Variants in DOCK8 observed in about 807,000 individuals in gnomAD.
DOCK8 encodes dedicator of cytokinesis protein 8.
Under a neutral mutation model 245.6 loss-of-function variants are expected in DOCK8, and 141 were observed. That is an observed-to-expected ratio of 0.57 (90% confidence interval 0.50 to 0.66). The LOEUF (loss-of-function observed/expected upper bound fraction) is 0.66, where lower values mean the gene tolerates loss of function less well. Among genes scored for constraint, DOCK8 ranks in the 30% least tolerant of loss-of-function variants. The pLI, the probability that DOCK8 is intolerant of heterozygous loss-of-function variation, is 0.00. For missense variants in DOCK8, 2,965 were observed against 2,603.4 expected (o/e 1.14, Z -3.02); for synonymous variants, 1,168 against 970.2 (o/e 1.20, Z -3.79).
At chr9:286,781 T>C (rs2048841881) in intron 3 of DOCK8, 145 bp downstream of exon 3, 1 of 827,672 alleles carries the variant, frequency 1.2e-6, no homozygotes, top group Non-Finnish European at 2.0e-6. Flanking sequence ...CTATATGATA[T>C]CATCATGTAA....
intron 29 of DOCK8, 42 bp from the exon 30 acceptor site, chr9:418,026 G>A: frequency 6.2e-7 from 1 of 1,613,650 alleles, no homozygotes; most frequent in Non-Finnish European, 8.5e-7. Flanking sequence ...ATGGGGAAAT[G>A]TCATGTTTGA....
chr9:214,915 C>T lies in DOCK8; in HGVS notation c.-62C>T. On this transcript the variant is annotated 5_prime_UTR_variant, in exon 1 of 48. Transcript: ENST00000432829. ...GGCATGTTCCGCGGCTACTCTGCGG[C>T]GCGCCAGGCCCCCGCTTTCCGCACC... 6.2e-7 allele frequency: 1 copy of T among 1,604,144 alleles called. No individual in the cohort carries two copies. Among genetic ancestry groups the T allele is most frequent in the Non-Finnish European group, 8.5e-7 (1 of 1,177,070 alleles).
chr9:279,439 G>T (rs1334517194), intron 2 of DOCK8, among the ~76,000 whole-genome samples: 1 of 152,198 alleles, frequency 6.6e-6, no homozygotes, highest in African/African-American at 2.4e-5. Context: ...ATTGAGAAGA[G>T]ATTTAGAATT....
At chr9:315,341 C>T (rs2050297441) in intron 6 of DOCK8, among the ~76,000 whole-genome samples, 1 of 152,112 alleles carries the variant, frequency 6.6e-6, no homozygotes. Flanking sequence ...GAATTAGTTG[C>T]CATTTCAGTT....
At chr9:420,856 C>G in intron 31 of DOCK8, 93 bp from the exon 32 acceptor site, 1 of 1,538,530 alleles carries the variant, frequency 6.5e-7, no homozygotes, top group South Asian at 1.1e-5. Flanking sequence ...TCAAACTTAG[C>G]TGGCATCACT....
rs568536712 is a variant in DOCK8 at position 310,067 on chromosome 9, A to C, written c.529-1887A>C. On this transcript the variant is annotated intron_variant, in intron 5 of 47. Transcript: ENST00000432829. Reference sequence around the variant, plus strand: ...TGGATCACTTGAGGTCAGGAGTTCAAGACCAGCCTGGCCAACATGGTGAAA... The same window carrying C: ...TGGATCACTTGAGGTCAGGAGTTCACGACCAGCCTGGCCAACATGGTGAAA... 1.9e-4 allele frequency among the ~76,000 whole-genome samples: 29 copies of C among 152,272 alleles called. No homozygotes were observed. In the East Asian group the frequency reaches 5.6e-3, roughly 29 times the overall value.
chr9:431,445 G>A (rs2056709147), intron 36 of DOCK8, among the ~76,000 whole-genome samples: 1 of 152,110 alleles, frequency 6.6e-6, no homozygotes, highest in Non-Finnish European at 1.5e-5. Flanking sequence ...TGTAAAGAAA[G>A]AAGAAACAAA....
At chr9:241,220 CT>C (rs1286267556) in intron 1 of DOCK8, among the ~76,000 whole-genome samples, 1 of 152,102 alleles carries the variant, frequency 6.6e-6, no homozygotes, top group Non-Finnish European at 1.5e-5. Context: ...CTAATCATTT[CT>C]TTGTATTGGG....
intron 4 of DOCK8, among the ~76,000 whole-genome samples, chr9:300,229 A>C (rs1421060161): frequency 6.6e-6 from 1 of 152,206 alleles, no homozygotes; most frequent in African/African-American, 2.4e-5. Flanking sequence ...AATTCAGTCA[A>C]CTAAAATTGG....
In DOCK8 at chr9:427,097, A is replaced by C. The variant is rs761024359; in HGVS notation, c.4338+116A>C. The C allele has an allele frequency of 4.6e-6, 4 of 877,852 alleles. No homozygotes were observed. In the African/African-American group the frequency reaches 6.7e-5, roughly 15 times the overall value. The allele number at this position is 877,852 out of a possible 1,614,324, so 54.4% of individuals were successfully genotyped here. ...AATGTGATCCCATAGTACCTTTTTT[A>C]AAAAAATGAAGTTGAGAAGTTTACT... On this transcript the variant is annotated intron_variant, in intron 34 of 47. Coordinates refer to ENST00000432829, the MANE Select transcript of DOCK8 (RefSeq NM_203447.4).
chr9:343,109 A>C (rs1258288325), intron 14 of DOCK8, among the ~76,000 whole-genome samples: 1 of 152,184 alleles, frequency 6.6e-6, no homozygotes. Context: ...AAAGAACTTC[A>C]GAGCTCACCT....
At chr9:368,562 T>A in intron 15 of DOCK8, 1 of 396,418 alleles carries the variant, frequency 2.5e-6, no homozygotes, top group African/African-American at 2.0e-5. Context: ...ACAGTGCTGA[T>A]GAATACAAAG....
chr9:413,790 G>T lies in DOCK8; in HGVS notation c.3531-992G>T, dbSNP rs2055863567. 1.3e-5 allele frequency among the ~76,000 whole-genome samples: 2 copies of T among 152,210 alleles called. 1 individual carries two copies. Among genetic ancestry groups the T allele is most frequent in the African/African-American group, 4.8e-5 (2 of 41,446 alleles). On this transcript the variant is annotated intron_variant, in intron 28 of 47. Transcript: ENST00000432829. Reference sequence around the variant, plus strand: ...TAAAATGGAGTCTTCAGACACTGCTGGTGGGAATGTAAAATTGTGCAGCCA... The same window carrying T: ...TAAAATGGAGTCTTCAGACACTGCTTGTGGGAATGTAAAATTGTGCAGCCA...
intron 10 of DOCK8, 36 bp from the exon 11 acceptor site, chr9:334,189 G>T (rs1255101829): frequency 1.2e-6 from 2 of 1,613,562 alleles, no homozygotes; most frequent in East Asian, 2.2e-5. Context: ...TGGTGCTGAT[G>T]CTTGTTTCAG....
chr9:311,704 G>A (rs1405581125), intron 5 of DOCK8, among the ~76,000 whole-genome samples: 1 of 152,156 alleles, frequency 6.6e-6, no homozygotes, highest in Non-Finnish European at 1.5e-5. Flanking sequence ...CCTTTCCTCA[G>A]GACTGGTTTG....
intron 14 of DOCK8, among the ~76,000 whole-genome samples, chr9:358,159 A>G (rs1025785968): frequency 3.9e-5 from 6 of 152,132 alleles, no homozygotes; most frequent in African/African-American, 1.4e-4. Context: ...ATCATAGCTC[A>G]CTGCAGCCTT....
chr9:215,289 C>T (rs1159807171), intron 1 of DOCK8: 1 of 1,608,864 alleles, frequency 6.2e-7, no homozygotes, highest in African/African-American at 1.3e-5. Context: ...GATCCCTTCC[C>T]CGAACAACCT....
chr9:386,378 T>A lies in DOCK8; in HGVS notation c.2826T>A (p.Ser942Arg), dbSNP rs770518076. The A allele has an allele frequency of 6.2e-7, 1 of 1,613,996 alleles. No individual in the cohort carries two copies. Among genetic ancestry groups the A allele is most frequent in the Non-Finnish European group, 8.5e-7 (1 of 1,179,912 alleles). The change falls in exon 23 of 48, where the codon AGT becomes AGA. Residue 942 changes from serine to arginine, a missense_variant. Coordinates refer to ENST00000432829, the MANE Select transcript of DOCK8 (RefSeq NM_203447.4). ...GAATGTCTTACTATTGCTCTGGCAG[T>A]AGTGATGCTCCAAGTTCACCTGCAG... ...CSRMSYYCSG[S>R]SDAPSSPAAP... is the part of the protein sequence containing the mutation.
chr9:263,223 A>C (rs1240000296), intron 1 of DOCK8, among the ~76,000 whole-genome samples: 2 of 151,544 alleles, frequency 1.3e-5, no homozygotes, highest in African/African-American at 4.8e-5. Context: ...AAAAAAAAAA[A>C]ACCTGATATA....
Sources: allele counts gnomAD v4.1 joint callset (sites outside exome capture counted in the v4.1 genomes callset), GRCh38; gene constraint gnomAD v4.1.1; transcripts MANE v1.5; gene names NCBI Gene and HGNC (gene_info 2026-07-23, HGNC 2026-07-21).